GRIP1: variants seen among roughly 807,000 people sequenced by gnomAD.
The protein encoded by GRIP1 is glutamate receptor interacting protein 1, also known as glutamate receptor-interacting protein 1.
Under a neutral mutation model 129.9 loss-of-function variants are expected in GRIP1, and 45 were observed. The observed-to-expected ratio is 0.35, with a 90% confidence interval of 0.27 to 0.44. The LOEUF (loss-of-function observed/expected upper bound fraction) is 0.44, where lower values mean the gene tolerates loss of function less well. GRIP1 is among the 20% of genes least tolerant of loss of function. The pLI, the probability that GRIP1 is intolerant of heterozygous loss-of-function variation, is 1.00. For synonymous variants in GRIP1, 530 were observed against 520.8 expected (o/e 1.02, Z -0.24); for missense variants, 1,196 against 1,396.8 (o/e 0.86, Z 2.29).
intron 1 of GRIP1, among the ~76,000 whole-genome samples, chr12:66,712,015 T>C (rs1009951234): frequency 6.6e-6 from 1 of 151,940 alleles, no homozygotes; most frequent in Non-Finnish European, 1.5e-5. Context: ...CCAAGAACTA[T>C]AGTTTACTTT....
At chr12:66,604,564 T>A (rs2064425029) in intron 1 of GRIP1, among the ~76,000 whole-genome samples, 2 of 152,258 alleles carry the variant, frequency 1.3e-5, no homozygotes, top group East Asian at 3.8e-4. Flanking sequence ...CAGTATATCT[T>A]TCACATTTTT....
chr12:66,987,191 T>C (rs758402935), intron 1 of GRIP1, among the ~76,000 whole-genome samples: 1 of 152,164 alleles, frequency 6.6e-6, no homozygotes, highest in Non-Finnish European at 1.5e-5. Context: ...ACATAATTCA[T>C]TGTCTCCTGC....
intron 1 of GRIP1, among the ~76,000 whole-genome samples, chr12:66,797,998 A>G (rs1050000176): frequency 6.6e-5 from 10 of 152,192 alleles, no homozygotes; most frequent in African/African-American, 1.9e-4. Flanking sequence ...TCAATCAATA[A>G]TGACAGAACT....
chr12:66,930,125 C>T (rs1406125562), intron 1 of GRIP1, among the ~76,000 whole-genome samples: 5 of 142,528 alleles, frequency 3.5e-5, no homozygotes, highest in Admixed American at 7.2e-5. Context: ...TATTATTACA[C>T]TTTAAGTTTT....
chr12:66,389,209 T>C (rs933627655), intron 19 of GRIP1, among the ~76,000 whole-genome samples: 1 of 152,076 alleles, frequency 6.6e-6, no homozygotes, highest in Non-Finnish European at 1.5e-5. Flanking sequence ...AAAAGTGTGG[T>C]TCTATGCCTT....
At chr12:66,590,438 T>C (rs1217940696) in intron 2 of GRIP1, among the ~76,000 whole-genome samples, 2 of 152,170 alleles carry the variant, frequency 1.3e-5, no homozygotes, top group Non-Finnish European at 2.9e-5. Context: ...CTTGTGCTAT[T>C]TGAGGAGCAC....
intron 1 of GRIP1, among the ~76,000 whole-genome samples, chr12:66,693,209 C>G (rs536626827): frequency 6.6e-6 from 1 of 152,188 alleles, no homozygotes; most frequent in Non-Finnish European, 1.5e-5. Flanking sequence ...AAACTGGCAG[C>G]TCCAGGGCCA....
chr12:66,666,825 C>T (rs7961081), intron 1 of GRIP1, among the ~76,000 whole-genome samples: 2,617 of 151,624 alleles, frequency 0.017, 77 homozygotes, highest in African/African-American at 0.059. Context: ...ATTTTATGCT[C>T]ACCCTTGATA....
chr12:66,691,095 T>C (rs569093412), intron 1 of GRIP1, among the ~76,000 whole-genome samples: 105 of 152,342 alleles, frequency 6.9e-4, no homozygotes, highest in African/African-American at 2.4e-3. Context: ...AAGGGTAATT[T>C]TCATTTTATG....
chr12:66,485,362 A>AT (rs2059924407), intron 7 of GRIP1, among the ~76,000 whole-genome samples: 2 of 151,910 alleles, frequency 1.3e-5, no homozygotes, highest in African/African-American at 4.8e-5. Context: ...ATTTTCCCTG[A>AT]TTTTTTATTA....
At chr12:66,500,224 T>C (rs1294320941) in intron 7 of GRIP1, among the ~76,000 whole-genome samples, 2 of 152,184 alleles carry the variant, frequency 1.3e-5, no homozygotes, top group African/African-American at 4.8e-5. Context: ...CCAATCCCCA[T>C]TGTACAGACT....
intron 1 of GRIP1, among the ~76,000 whole-genome samples, chr12:67,004,807 A>G (rs2042603765): frequency 6.6e-6 from 1 of 152,218 alleles, no homozygotes; most frequent in Non-Finnish European, 1.5e-5. Context: ...ATTCATTTTG[A>G]GAAAACTGAA....
chr12:66,520,895 C>T (rs1346272743), intron 5 of GRIP1, among the ~76,000 whole-genome samples: 1 of 152,162 alleles, frequency 6.6e-6, no homozygotes, highest in Non-Finnish European at 1.5e-5. Flanking sequence ...ATTCAAGAAC[C>T]TTCTCGTTCA....
At chr12:66,539,763 A>G (rs1339869652) in intron 3 of GRIP1, among the ~76,000 whole-genome samples, 3 of 152,090 alleles carry the variant, frequency 2.0e-5, no homozygotes, top group Non-Finnish European at 2.9e-5. Flanking sequence ...TATTGCTTAC[A>G]GCAGGATTGA....
chr12:67,024,636 A>G (rs2042915247), intron 1 of GRIP1, among the ~76,000 whole-genome samples: 1 of 152,218 alleles, frequency 6.6e-6, no homozygotes, highest in Admixed American at 6.5e-5. Context: ...TCTAAATTAT[A>G]AATTGTAGAT....
chr12:66,581,950 G>A (rs978324326), intron 2 of GRIP1, among the ~76,000 whole-genome samples: 24 of 151,762 alleles, frequency 1.6e-4, no homozygotes, highest in South Asian at 6.2e-4. Context: ...GAGACACAAC[G>A]AAAAAAGAGA....
intron 1 of GRIP1, among the ~76,000 whole-genome samples, chr12:66,872,356 C>A (rs1030126644): frequency 2.6e-5 from 4 of 152,002 alleles, no homozygotes; most frequent in Non-Finnish European, 4.4e-5. Flanking sequence ...CTCATCAGAC[C>A]AGTTCTAATG....
At chr12:66,463,419 C>A (rs12172786) in intron 8 of GRIP1, among the ~76,000 whole-genome samples, 40,830 of 151,946 alleles carry the variant, frequency 0.27, 6,455 homozygotes, top group African/African-American at 0.43. Context: ...GAAAATGTTT[C>A]CCCTGGACTT....
chr12:66,526,901 C>T (rs200884448), intron 5 of GRIP1, among the ~76,000 whole-genome samples: 2,816 of 100,260 alleles, frequency 0.028, 89 homozygotes, highest in Middle Eastern at 0.054. Context: ...AAGACATTTA[C>T]GCAGCCAAAA....
Sources: allele counts gnomAD v4.1 joint callset (sites outside exome capture counted in the v4.1 genomes callset), GRCh38; gene constraint gnomAD v4.1.1; transcripts MANE v1.5; gene names NCBI Gene and HGNC (gene_info 2026-07-23, HGNC 2026-07-21).